CLNK: variants seen among roughly 807,000 people sequenced by gnomAD.
CLNK encodes cytokine dependent hematopoietic cell linker.
Under a neutral mutation model 68.6 loss-of-function variants are expected in CLNK, and 74 were observed. That is an observed-to-expected ratio of 1.08 (90% CI 0.89 to 1.31). The LOEUF is 1.31. CLNK is among the 50% of genes most tolerant of loss of function. The probability of loss-of-function intolerance (pLI) is 0.00; values close to 1 mark genes in which losing one functional copy is unlikely to be tolerated. For missense variants in CLNK, 553 were observed against 515.3 expected, an observed-to-expected ratio of 1.07 and a Z score of -0.71; for synonymous variants, 198 against 172.2, an observed-to-expected ratio of 1.15 and a Z score of -1.17.
intron 2 of CLNK, among the ~76,000 whole-genome samples, chr4:10,608,455 G>T (rs1721870046): frequency 6.6e-6 from 1 of 152,136 alleles, no homozygotes. Context: ...TGTCTAGGTG[G>T]ATGTAACATG....
At chr4:10,572,918 T>A (rs1352805621) in intron 4 of CLNK, among the ~76,000 whole-genome samples, 3 of 152,154 alleles carry the variant, frequency 2.0e-5, no homozygotes, top group Non-Finnish European at 2.9e-5. Flanking sequence ...AACCTCCACC[T>A]CCTGGGTTCA....
chr4:10,581,896 C>T lies in CLNK; in HGVS notation c.112+3031G>A, dbSNP rs1055145977. Reference sequence around the variant, plus strand: ...TTTTCTTCTCTCTCTCTCTTTTTAACCCTTGGTCAGCAAGTCTAAAGAATG... The same window carrying T: ...TTTTCTTCTCTCTCTCTCTTTTTAATCCTTGGTCAGCAAGTCTAAAGAATG... On this transcript the variant is annotated intron_variant, in intron 4 of 18. Transcript: ENST00000226951. Among the ~76,000 whole-genome samples the T allele has an allele frequency of 2.6e-5, 4 of 152,200 alleles. No individual in the cohort carries two copies. The South Asian group carries it at 6.2e-4, about 24-fold the overall frequency.
At chr4:10,647,457 C>T (rs979687905) in intron 2 of CLNK, among the ~76,000 whole-genome samples, 5 of 152,132 alleles carry the variant, frequency 3.3e-5, no homozygotes, top group Non-Finnish European at 5.9e-5. Context: ...AGAATCTGTT[C>T]ATTTTCTTTT....
At chr4:10,553,744 G>A (rs551616011) in intron 8 of CLNK, among the ~76,000 whole-genome samples, 14 of 152,284 alleles carry the variant, frequency 9.2e-5, no homozygotes, top group African/African-American at 2.6e-4. Context: ...GTGAGCCACC[G>A]CGCTTGGCCT....
intron 3 of CLNK, among the ~76,000 whole-genome samples, chr4:10,592,847 T>G (rs916578909): frequency 6.6e-6 from 1 of 152,126 alleles, no homozygotes; most frequent in Non-Finnish European, 1.5e-5. Flanking sequence ...TGCCTCAGCC[T>G]CCCTTGTAGC....
At chr4:10,514,955 G>A (rs1464092521) in intron 15 of CLNK, among the ~76,000 whole-genome samples, 1 of 152,172 alleles carries the variant, frequency 6.6e-6, no homozygotes, top group Non-Finnish European at 1.5e-5. Flanking sequence ...TGTAATTCTG[G>A]GCCGGGTGTG....
chr4:10,645,579 C>T (rs1173300149), intron 2 of CLNK, among the ~76,000 whole-genome samples: 1 of 151,932 alleles, frequency 6.6e-6, no homozygotes, highest in Non-Finnish European at 1.5e-5. Context: ...TAATCTTATT[C>T]AATATTTAAG....
At chr4:10,600,635 G>A (rs1420216745) in intron 2 of CLNK, among the ~76,000 whole-genome samples, 3 of 152,200 alleles carry the variant, frequency 2.0e-5, no homozygotes, top group African/African-American at 7.2e-5. Context: ...AACTGACCCT[G>A]CCTGCTTGCA....
At chr4:10,564,377 C>T (rs1197461156) in intron 7 of CLNK, among the ~76,000 whole-genome samples, 1 of 152,212 alleles carries the variant, frequency 6.6e-6, no homozygotes, top group Non-Finnish European at 1.5e-5. Context: ...TGTTCTTTCT[C>T]TGGAGAATGC....
At chr4:10,647,640 G>A (rs1055759522) in intron 2 of CLNK, among the ~76,000 whole-genome samples, 1 of 152,162 alleles carries the variant, frequency 6.6e-6, no homozygotes, top group Non-Finnish European at 1.5e-5. Flanking sequence ...GCAGTTCAGG[G>A]AGGGAAGTAC....
At chr4:10,539,172 C>A (rs565247229) in intron 11 of CLNK, among the ~76,000 whole-genome samples, 1 of 152,192 alleles carries the variant, frequency 6.6e-6, no homozygotes, top group Non-Finnish European at 1.5e-5. Context: ...ACTTGAGAGC[C>A]TCTATTCCTT....
At chr4:10,570,250 T>A (rs546891474) in intron 5 of CLNK, among the ~76,000 whole-genome samples, 89 of 152,258 alleles carry the variant, frequency 5.8e-4, no homozygotes, top group African/African-American at 2.0e-3. Context: ...CTGAACCCAT[T>A]TTCCAACTTT....
chr4:10,601,639 C>G (rs958670285), intron 2 of CLNK, among the ~76,000 whole-genome samples: 2 of 152,128 alleles, frequency 1.3e-5, no homozygotes, highest in African/African-American at 2.4e-5. Context: ...GATCTGACCT[C>G]GAAAGGAGAT....
At chr4:10,602,829 G>A (rs1294122806) in intron 2 of CLNK, among the ~76,000 whole-genome samples, 3 of 152,328 alleles carry the variant, frequency 2.0e-5, no homozygotes, top group Admixed American at 6.5e-5. Flanking sequence ...GAAGAAAAAC[G>A]AGGAAGAAGC....
At chr4:10,715,280 C>G in the CLNK span, among the ~76,000 whole-genome samples, 2 of 152,142 alleles carry the variant, frequency 1.3e-5, no homozygotes, top group African/African-American at 4.8e-5. Context: ...TTGAGAAACA[C>G]CTTATTATGA....
intron 8 of CLNK, among the ~76,000 whole-genome samples, chr4:10,549,994 A>C (rs977667786): frequency 2.0e-5 from 3 of 152,220 alleles, no homozygotes; most frequent in Admixed American, 2.0e-4. Flanking sequence ...CCTTGGTTTG[A>C]CTGTTTCCAC....
intron 2 of CLNK, among the ~76,000 whole-genome samples, chr4:10,641,020 C>T (rs866590995): frequency 6.6e-6 from 1 of 152,114 alleles, no homozygotes; most frequent in Middle Eastern, 3.4e-3. Context: ...GGCTATTTTT[C>T]ATGTAAAAAA....
chr4:10,646,758 G>C lies in CLNK; in HGVS notation c.11+21101C>G, dbSNP rs114047258. Among the ~76,000 whole-genome samples the C allele has an allele frequency of 2.9e-3, 440 of 152,094 alleles. 4 individuals carry two copies. The highest frequency in any genetic ancestry group is 0.01 in the African/African-American group (416 of 41,472). Reference sequence around the variant, plus strand: ...ATGTAACTGCCTATATTCCGCAGGAGAGCAAACACCCACATTCAAACCATT... The same window carrying C: ...ATGTAACTGCCTATATTCCGCAGGACAGCAAACACCCACATTCAAACCATT... On this transcript the variant is annotated intron_variant, in intron 2 of 18. Transcript: ENST00000226951.
At position 10,580,712 on chromosome 4, in the gene CLNK, A is replaced by T. The variant is rs570281204; in HGVS notation, c.112+4215T>A. ...TGGAATAAGGACGTGAGGAAGGGAA[A>T]TATTTTTGTAAAATGGTACAATGCG... On this transcript the variant is annotated intron_variant, in intron 4 of 18. Transcript: ENST00000226951. Among the ~76,000 whole-genome samples the T allele has an allele frequency of 3.9e-5, 6 of 152,328 alleles. No individual in the cohort carries two copies. In the South Asian group the frequency reaches 1.2e-3, roughly 32 times the overall value.
Sources: gnomAD v4.1 joint callset for allele counts (sites outside exome capture counted in the v4.1 genomes callset) on GRCh38, gnomAD v4.1.1 for gene constraint, MANE v1.5 for transcripts, NCBI Gene and HGNC (gene_info 2026-07-23, HGNC 2026-07-21) for gene names.